Variants in BRDT observed in about 807,000 individuals in gnomAD.
BRDT encodes the protein bromodomain testis-specific protein.
A neutral mutation model predicts 113.9 loss-of-function variants in BRDT; 77 were observed. The observed-to-expected ratio is 0.68, with a 90% CI of 0.56 to 0.82. The LOEUF (loss-of-function observed/expected upper bound fraction) is 0.82. Ranked by LOEUF, BRDT falls within the 40% of genes least tolerant of loss-of-function variation. BRDT has a pLI of 0.00. For missense variants in BRDT, 1,027 were observed against 1,105.4 expected (o/e 0.93, Z 1.01); for synonymous variants, 358 against 366.5 (o/e 0.98, Z 0.26).
At chr1:91,965,983 G>T (rs1334381303) in intron 3 of BRDT, among the ~76,000 whole-genome samples, 1 of 152,104 alleles carries the variant, frequency 6.6e-6, no homozygotes, top group East Asian at 1.9e-4. Flanking sequence ...ACTTGGATTT[G>T]TGTTAATGAA....
chr1:92,007,897 A>C (rs1487508158), intron 18 of BRDT, among the ~76,000 whole-genome samples: 1 of 133,532 alleles, frequency 7.5e-6, no homozygotes, highest in Non-Finnish European at 1.6e-5. Flanking sequence ...TTATTTATTT[A>C]TTCATTCATT....
At chr1:91,949,979 G>A (rs1364755434) in intron 1 of BRDT, 3 of 152,246 alleles carry the variant, frequency 2.0e-5, no homozygotes, top group African/African-American at 7.2e-5. Context: ...TTTAGCTTTA[G>A]CTGGCATTTT....
chr1:92,001,986 C>A, intron 15 of BRDT, 63 bp from the exon 16 acceptor site: 2 of 1,228,396 alleles, frequency 1.6e-6, no homozygotes, highest in South Asian at 3.0e-5. Context: ...AAAATAAAAT[C>A]AAATTCTGGG....
At chr1:92,007,663 C>T (rs1196863210) in intron 18 of BRDT, among the ~76,000 whole-genome samples, 4 of 152,088 alleles carry the variant, frequency 2.6e-5, no homozygotes, top group South Asian at 2.1e-4. Context: ...TGGTTGCTTA[C>T]GGTTTACAAT....
At position 91,977,083 on chromosome 1, in the gene BRDT, C is replaced by T. The variant is rs143654874; in HGVS notation, c.659C>T (p.Pro220Leu). 67 of 1,611,794 alleles carry T rather than the reference C, an allele frequency of 4.2e-5. No individual in the cohort carries two copies. The Admixed American group carries it at 4.9e-4, about 12-fold the overall frequency. Reference protein sequence around the residue: ...GVKRKADTTTPATSAVKASSE... With the variant: ...GVKRKADTTTLATSAVKASSE... ...AAGAGGAAAGCAGATACAACAACTCCTGCAACTTCAGCAGTTAAAGCAAGT... is the reference window on the plus strand; with the variant it reads ...AAGAGGAAAGCAGATACAACAACTCTTGCAACTTCAGCAGTTAAAGCAAGT... Residue 220 changes from proline to leucine, a missense_variant, in exon 6 of 19, where the codon CCT becomes CTT. Coordinates refer to ENST00000399546, the MANE Select transcript of BRDT (RefSeq NM_207189.4).
intron 15 of BRDT, among the ~76,000 whole-genome samples, chr1:91,995,304 A>G (rs966929950): frequency 1.9e-4 from 29 of 152,238 alleles, no homozygotes; most frequent in African/African-American, 7.0e-4. Context: ...CCCTAGCAGA[A>G]TAAATTTCCA....
chr1:92,013,867 C>G (rs1163908020), intron 18 of BRDT, among the ~76,000 whole-genome samples: 1 of 152,204 alleles, frequency 6.6e-6, no homozygotes, highest in African/African-American at 2.4e-5. Context: ...AGAAGTAAGA[C>G]AGTGTGCTCT....
chr1:91,961,392 G>T (rs1682426088), intron 1 of BRDT, among the ~76,000 whole-genome samples: 1 of 152,102 alleles, frequency 6.6e-6, no homozygotes. Context: ...CACCTTGGGA[G>T]GCTGAGGTGT....
intron 2 of BRDT, among the ~76,000 whole-genome samples, chr1:91,964,043 CTGT>C (rs1166583033): frequency 6.6e-6 from 1 of 151,736 alleles, no homozygotes; most frequent in Non-Finnish European, 1.5e-5. Flanking sequence ...GGCTAATTTT[CTGT>C]TGTTTTTTTT....
chr1:91,979,610 T>A lies in BRDT; in HGVS notation c.1140T>A (p.Pro380=), dbSNP rs772894345. The change falls in exon 8 of 19, where the codon CCT becomes CCA. Residue 380 remains proline, a synonymous_variant. Coordinates refer to ENST00000399546, the MANE Select transcript of BRDT (RefSeq NM_207189.4). ...ATTTTTCAAAGATCCCGATTGAACC[T>A]GTTGAGAGTATGCCTTTATGTTACA... ...ETHFSKIPIE[P]VESMPLCYIK... is the part of the protein sequence containing the mutation. 5 of 1,612,580 alleles carry A rather than the reference T, an allele frequency of 3.1e-6. No homozygotes were observed. The highest frequency in any genetic ancestry group is 4.2e-6 in the Non-Finnish European group (5 of 1,179,728).
Position 92,007,980 on chromosome 1 carries a change from C to T in BRDT, c.2775+2681C>T, listed in dbSNP as rs564440906. On this transcript the variant is annotated intron_variant, in intron 18 of 18. Transcript: ENST00000399546. Reference sequence around the variant, plus strand: ...TCGCCCAGCCTGGAATGCAATGGTGCAATCTCAGCTCACTGCAACCTCCAC... The same window carrying T: ...TCGCCCAGCCTGGAATGCAATGGTGTAATCTCAGCTCACTGCAACCTCCAC... Among the ~76,000 whole-genome samples the T allele has an allele frequency of 3.9e-5, 6 of 152,180 alleles. No individual in the cohort carries two copies. In the South Asian group the frequency reaches 1.2e-3, roughly 32 times the overall value.
rs369004064 is a variant in BRDT at position 91,987,458 on chromosome 1, T to C, written c.2003-3726T>C. 1.6e-4 allele frequency among the ~76,000 whole-genome samples: 24 copies of C among 151,978 alleles called. 1 individual carries two copies. The East Asian group carries it at 2.3e-3, about 15-fold the overall frequency. On this transcript the variant is annotated intron_variant, in intron 12 of 18. Coordinates refer to ENST00000399546, the MANE Select transcript of BRDT (RefSeq NM_207189.4). ...AAGCAATTCTCCTGCCTCAGCCTCC[T>C]GTGTAGCTGGAGCTACAGGTGCACA...
In BRDT at chr1:91,980,776, T is replaced by A; in HGVS notation, c.1421T>A (p.Met474Lys). 1.2e-6 allele frequency: 2 copies of A among 1,601,554 alleles called. No individual in the cohort carries two copies. Among genetic ancestry groups the A allele is most frequent in the Non-Finnish European group, 1.7e-6 (2 of 1,176,636 alleles). ...AACAGCAATGAAAATCCAAGAAAAA[T>A]GTGTGAGCAAATGAGGCTAAAGGAA... ...VNNSNENPRK[M>K]CEQMRLKEKS... Residue 474 changes from methionine (M) to lysine (K), a missense_variant, in exon 9 of 19, where the codon ATG (methionine) becomes AAG (lysine). Transcript: ENST00000399546.
chr1:91,981,452 C>T, intron 11 of BRDT, 71 bp downstream of exon 11: 1 of 1,502,840 alleles, frequency 6.7e-7, no homozygotes, highest in South Asian at 1.2e-5. Context: ...GTGATATTGC[C>T]CAGGCTGGTC....
chr1:91,988,395 A>T (rs1375467820), intron 12 of BRDT, among the ~76,000 whole-genome samples: 2 of 151,418 alleles, frequency 1.3e-5, no homozygotes, highest in South Asian at 2.1e-4. Context: ...TTTTATTTTT[A>T]TTTATTTATT....
At chr1:92,005,884 T>A (rs1687251079) in intron 18 of BRDT, among the ~76,000 whole-genome samples, 1 of 152,242 alleles carries the variant, frequency 6.6e-6, no homozygotes, top group Non-Finnish European at 1.5e-5. Flanking sequence ...CTGTTCCTGG[T>A]CAGCATTTCT....
chr1:91,957,562 C>G (rs1265681915), intron 1 of BRDT: 1 of 152,096 alleles, frequency 6.6e-6, no homozygotes, highest in Non-Finnish European at 1.5e-5. Context: ...AATAGTGTTC[C>G]CATCTACCCC....
intron 18 of BRDT, among the ~76,000 whole-genome samples, chr1:92,010,751 G>T (rs911073128): frequency 2.0e-5 from 3 of 151,778 alleles, no homozygotes; most frequent in African/African-American, 4.8e-5. Context: ...AATGTGTGTG[G>T]TTTTTTTTAT....
chr1:91,962,823 G>GA lies in BRDT; in HGVS notation c.74dup (p.Asn25LysfsTer23). The GA allele has an allele frequency of 6.2e-7, 1 of 1,612,156 alleles. No homozygotes were observed. The highest frequency in any genetic ancestry group is 2.2e-5 in the East Asian group (1 of 44,820). On this transcript the variant is annotated frameshift_variant, in exon 2 of 19. Coordinates refer to ENST00000399546, the MANE Select transcript of BRDT (RefSeq NM_207189.4). LOFTEE classifies it high-confidence loss of function. ...CTCCACCAGAATATATAAATACTAA[G>GA]AAAAATGGGCGATTGACAAATCAAC...
Sources: allele counts gnomAD v4.1 joint callset (sites outside exome capture counted in the v4.1 genomes callset), GRCh38; gene constraint gnomAD v4.1.1; transcripts MANE v1.5; gene names NCBI Gene and HGNC (gene_info 2026-07-23, HGNC 2026-07-21).